ADGRL3: variants seen among roughly 807,000 people sequenced by gnomAD.
ADGRL3 encodes calcium-independent alpha-latrotoxin receptor 3.
ADGRL3 carries 62 observed loss-of-function variants against 153.5 expected under a neutral mutation model. The ratio of observed to expected loss-of-function variants is 0.40; its 90% CI spans 0.33 to 0.50. The LOEUF (loss-of-function observed/expected upper bound fraction) is 0.50. Among genes scored for constraint, ADGRL3 ranks in the 20% least tolerant of loss-of-function variants. ADGRL3 has a pLI of 0.47. For synonymous variants in ADGRL3, 710 were observed against 672.5 expected, an observed-to-expected ratio of 1.06 and a Z score of -0.86; for missense variants, 1,641 against 1,859.4, an observed-to-expected ratio of 0.88 and a Z score of 2.16.
In ADGRL3 at chr4:62,076,179, A is replaced by G. The variant is rs1202576035; in HGVS notation, c.*5271A>G. On this transcript the variant is annotated 3_prime_UTR_variant, in exon 27 of 27. Transcript: ENST00000683033. ...CCTTCTTTATTTAAAAAAAAATTTA[A>G]AAGTCAGCACTTCTTTCACATCTAG... The G allele has an allele frequency of 6.6e-6, 1 of 152,148 alleles. No individual in the cohort carries two copies. 9.4% of individuals were successfully genotyped at this position (152,148 alleles called of 1,614,324 possible).
intron 8 of ADGRL3, among the ~76,000 whole-genome samples, chr4:61,784,437 C>CTT (rs35372290): frequency 6.6e-6 from 1 of 151,674 alleles, no homozygotes; most frequent in Non-Finnish European, 1.5e-5. Context: ...AGTTGACTCA[C>CTT]TTTTTTCCAG....
chr4:61,471,068 G>A lies in ADGRL3; in HGVS notation c.-173-26053G>A, dbSNP rs2097946308. Among the ~76,000 whole-genome samples the A allele has an allele frequency of 2.6e-5, 4 of 151,688 alleles. No homozygotes were observed. In the South Asian group the frequency reaches 8.3e-4, roughly 32 times the overall value. On this transcript the variant is annotated intron_variant, in intron 2 of 26. Transcript: ENST00000683033. ...TCCCTGAACAATGTCTTTTTAACAG[G>A]CTGATATTTTACTTTGTCCTTTTTA...
In ADGRL3 at chr4:61,338,277, A is replaced by T. The variant is rs60218888; in HGVS notation, c.-239-44847A>T. On this transcript the variant is annotated intron_variant, in intron 1 of 26. Coordinates refer to ENST00000683033, the MANE Select transcript of ADGRL3 (RefSeq NM_001387552.1). ...GATAAGTGAGACTCTGTCTCAATTT[A>T]AAAAAAAAAAAAAGACTTCCATGAC... Among the ~76,000 whole-genome samples, 461 of 139,960 alleles carry T rather than the reference A, an allele frequency of 3.3e-3. 5 individuals carry two copies. The highest frequency in any genetic ancestry group is 0.012 in the African/African-American group (443 of 37,630). The allele number at this position is 139,960 out of a possible 152,430, so 91.8% of individuals were successfully genotyped here.
intron 8 of ADGRL3, chr4:61,775,597 T>A: frequency 9.3e-7 from 1 of 1,075,112 alleles, no homozygotes; most frequent in Non-Finnish European, 1.4e-6. Context: ...TTCCCCTAGT[T>A]TCTTGTTGTC....
At chr4:61,351,297 T>C (rs190167138) in intron 1 of ADGRL3, among the ~76,000 whole-genome samples, 33 of 152,260 alleles carry the variant, frequency 2.2e-4, no homozygotes, top group Non-Finnish European at 4.4e-4. Context: ...CAGATAATGG[T>C]TCATGTGGTT....
chr4:61,616,069 TAGAC>T (rs1466220147), intron 5 of ADGRL3, among the ~76,000 whole-genome samples: 4 of 152,102 alleles, frequency 2.6e-5, no homozygotes, highest in African/African-American at 9.7e-5. Flanking sequence ...ATGAGGAAAT[TAGAC>T]AGACAGACAA....
intron 6 of ADGRL3, among the ~76,000 whole-genome samples, chr4:61,706,885 G>T (rs1361674578): frequency 6.6e-6 from 1 of 152,100 alleles, no homozygotes. Flanking sequence ...TAACCATTTT[G>T]CACCAGAAGT....
At chr4:61,703,598 G>C (rs1033975038) in intron 6 of ADGRL3, among the ~76,000 whole-genome samples, 13 of 151,210 alleles carry the variant, frequency 8.6e-5, no homozygotes, top group Non-Finnish European at 1.5e-4. Flanking sequence ...AGAACAATAG[G>C]ATAAGATTTT....
At chr4:61,412,507 C>T (rs924476544) in intron 2 of ADGRL3, among the ~76,000 whole-genome samples, 1 of 152,168 alleles carries the variant, frequency 6.6e-6, no homozygotes, top group Non-Finnish European at 1.5e-5. Flanking sequence ...CTCAGCCTAG[C>T]CTAGATTAAG....
At chr4:61,345,916 G>GA (rs1165208561) in intron 1 of ADGRL3, among the ~76,000 whole-genome samples, 1 of 152,090 alleles carries the variant, frequency 6.6e-6, no homozygotes, top group African/African-American at 2.4e-5. Context: ...GAATTTATTA[G>GA]AAAAAATACC....
chr4:61,998,278 T>G lies in ADGRL3; in HGVS notation c.3395+13T>G. On this transcript the variant is annotated intron_variant, in intron 21 of 26. Coordinates refer to ENST00000683033, the MANE Select transcript of ADGRL3 (RefSeq NM_001387552.1). ...TTGATAACATCAAGTAAGTGATTTTTATTTTTGTTTTCTATAGGTTGTGTT... is the reference window on the plus strand; with the variant it reads ...TTGATAACATCAAGTAAGTGATTTTGATTTTTGTTTTCTATAGGTTGTGTT... 1 of 1,435,300 alleles carries G rather than the reference T, an allele frequency of 7.0e-7. No individual in the cohort carries two copies. 88.9% of individuals were successfully genotyped at this position (1,435,300 alleles called of 1,614,324 possible).
chr4:61,965,353 A>G (rs1481888154), intron 17 of ADGRL3, among the ~76,000 whole-genome samples: 3 of 152,146 alleles, frequency 2.0e-5, no homozygotes, highest in East Asian at 1.9e-4. Context: ...ATAAAGTTAG[A>G]AAACTACTAG....
intron 25 of ADGRL3, among the ~76,000 whole-genome samples, chr4:62,057,803 G>A (rs2151828506): frequency 6.6e-6 from 1 of 152,066 alleles, no homozygotes; most frequent in Middle Eastern, 3.4e-3. Context: ...TCAGCCTCCT[G>A]AGTAGCTGGT....
intron 1 of ADGRL3, among the ~76,000 whole-genome samples, chr4:61,280,085 G>A (rs949520373): frequency 3.4e-5 from 5 of 147,480 alleles, no homozygotes; most frequent in Admixed American, 2.7e-4. Context: ...TTGGTTTAAA[G>A]TATTTTCTTT....
chr4:61,871,027 C>A (rs1394338088), intron 9 of ADGRL3, among the ~76,000 whole-genome samples: 1 of 152,088 alleles, frequency 6.6e-6, no homozygotes, highest in Non-Finnish European at 1.5e-5. Context: ...GCCTGTAATC[C>A]CAGCTCTTTG....
At chr4:61,371,263 T>C (rs1479330612) in intron 1 of ADGRL3, among the ~76,000 whole-genome samples, 21 of 151,608 alleles carry the variant, frequency 1.4e-4, no homozygotes, top group Non-Finnish European at 3.1e-4. Context: ...GTGAATTTGA[T>C]CCTGTCATTA....
intron 5 of ADGRL3, among the ~76,000 whole-genome samples, chr4:61,674,580 T>G (rs1365694159): frequency 1.3e-5 from 2 of 151,844 alleles, no homozygotes; most frequent in African/African-American, 4.8e-5. Flanking sequence ...TACAGAATAT[T>G]TACATTATAT....
intron 21 of ADGRL3, among the ~76,000 whole-genome samples, chr4:62,007,844 AG>A (rs2099167166): frequency 6.6e-6 from 1 of 152,090 alleles, no homozygotes; most frequent in East Asian, 1.9e-4. Context: ...GAGGGTAGAT[AG>A]TGAAAATAAG....
At chr4:61,294,211 A>G (rs1232850406) in intron 1 of ADGRL3, among the ~76,000 whole-genome samples, 2 of 152,174 alleles carry the variant, frequency 1.3e-5, no homozygotes, top group African/African-American at 4.8e-5. Flanking sequence ...ACGAGGGTAA[A>G]CAACCTTCAG....
Sources: gnomAD v4.1 joint callset for allele counts (sites outside exome capture counted in the v4.1 genomes callset) on GRCh38, gnomAD v4.1.1 for gene constraint, MANE v1.5 for transcripts, NCBI Gene and HGNC (gene_info 2026-07-23, HGNC 2026-07-21) for gene names.